SORCS1: variants seen among roughly 807,000 people sequenced by gnomAD.
SORCS1 encodes the protein sortilin related VPS10 domain containing receptor 1.
SORCS1 carries 60 observed loss-of-function variants against 146.1 expected under a neutral mutation model. The observed-to-expected ratio is 0.41, with a 90% confidence interval of 0.33 to 0.51. The LOEUF (loss-of-function observed/expected upper bound fraction) is 0.51. Ranked by LOEUF, SORCS1 falls within the 20% of genes least tolerant of loss-of-function variation. The pLI is 0.21. For missense variants in SORCS1, 1,352 were observed against 1,487.6 expected, an observed-to-expected ratio of 0.91 and a Z score of 1.50; for synonymous variants, 637 against 584.0, an observed-to-expected ratio of 1.09 and a Z score of -1.31.
intron 2 of SORCS1, among the ~76,000 whole-genome samples, chr10:106,920,271 A>C (rs2138388218): frequency 6.6e-6 from 1 of 152,268 alleles, no homozygotes; most frequent in Middle Eastern, 3.4e-3. Flanking sequence ...AGCAAACATG[A>C]CTAGTAACTT....
chr10:106,648,065 T>C (rs1423171801), intron 18 of SORCS1, among the ~76,000 whole-genome samples: 1 of 152,110 alleles, frequency 6.6e-6, no homozygotes, highest in Non-Finnish European at 1.5e-5. Context: ...TTTTTGGTAG[T>C]TGTCCAAGCT....
chr10:106,634,894 C>A (rs758616370), intron 18 of SORCS1, among the ~76,000 whole-genome samples: 16 of 152,144 alleles, frequency 1.1e-4, no homozygotes, highest in Admixed American at 2.0e-4. Context: ...TCCAGGCTGG[C>A]AAACATCTAG....
chr10:107,061,481 TA>T (rs1961228042), intron 1 of SORCS1, among the ~76,000 whole-genome samples: 1 of 152,200 alleles, frequency 6.6e-6, no homozygotes, highest in Non-Finnish European at 1.5e-5. Context: ...ATCTCTTATG[TA>T]AAAGCCAATG....
At chr10:106,662,321 AC>A (rs1367237757) in intron 17 of SORCS1, among the ~76,000 whole-genome samples, 1 of 151,590 alleles carries the variant, frequency 6.6e-6, no homozygotes, top group African/African-American at 2.4e-5. Context: ...TTATTTAAGA[AC>A]TTTTTTTTTT....
intron 17 of SORCS1, among the ~76,000 whole-genome samples, chr10:106,664,590 C>T (rs941571641): frequency 1.4e-4 from 21 of 152,066 alleles, no homozygotes; most frequent in African/African-American, 3.6e-4. Context: ...TGCAGTGAGC[C>T]GAGATCGTGC....
rs1961035434 is a variant in SORCS1, at chr10:107,060,086, G to A, written c.559-103506C>T. ...TCCTTATCATTGATAGCACATAGCT[G>A]TACTCTAGCTGACAAATCGCCTGCC... is the stretch of plus-strand genomic sequence containing the variant. On this transcript the variant is annotated intron_variant, in intron 1 of 25. Transcript: ENST00000263054. This position sits in a 1 kb window ranked among gnomAD's most constrained non-coding sequence, Gnocchi z 4.1. Among the ~76,000 whole-genome samples, 1 of 151,978 alleles carries A rather than the reference G, an allele frequency of 6.6e-6. No individual in the cohort carries two copies. Among genetic ancestry groups the A allele is most frequent in the Admixed American group, 6.6e-5 (1 of 15,260 alleles).
At chr10:107,025,660 T>C (rs1041337618) in intron 1 of SORCS1, among the ~76,000 whole-genome samples, 6 of 152,208 alleles carry the variant, frequency 3.9e-5, no homozygotes, top group African/African-American at 9.6e-5. Context: ...CCAAAGAGAA[T>C]TTAAAAACTT....
At chr10:107,025,880 G>C (rs1336975034) in intron 1 of SORCS1, among the ~76,000 whole-genome samples, 1 of 152,214 alleles carries the variant, frequency 6.6e-6, no homozygotes, top group Non-Finnish European at 1.5e-5. Context: ...GACCAGCAAA[G>C]GGATTGCTGA....
chr10:106,744,629 G>C (rs1362108242), intron 5 of SORCS1, among the ~76,000 whole-genome samples: 3 of 151,994 alleles, frequency 2.0e-5, no homozygotes, highest in Non-Finnish European at 4.4e-5. Context: ...TTTTTTAATT[G>C]GTGAATTTAG....
intron 2 of SORCS1, among the ~76,000 whole-genome samples, chr10:106,869,485 T>G (rs1950331724): frequency 1.3e-5 from 2 of 152,148 alleles, no homozygotes; most frequent in Admixed American, 6.5e-5. Context: ...CAGCAAAAGT[T>G]AATCCACCAT....
chr10:106,787,368 G>A (rs754683772), intron 3 of SORCS1, among the ~76,000 whole-genome samples: 1 of 152,158 alleles, frequency 6.6e-6, no homozygotes, highest in Non-Finnish European at 1.5e-5. Context: ...GGCCATTTAG[G>A]TCTGAAAGTG....
At chr10:106,753,013 GT>G (rs1197455187) in intron 5 of SORCS1, among the ~76,000 whole-genome samples, 1 of 151,878 alleles carries the variant, frequency 6.6e-6, no homozygotes, top group Non-Finnish European at 1.5e-5. Context: ...TCATTTTGAA[GT>G]TTTTTGCAGA....
chr10:106,736,602 T>TTAAAAAAAAAAAAAAAAAA (rs1433395056), intron 5 of SORCS1, among the ~76,000 whole-genome samples: 3 of 38,756 alleles, frequency 7.7e-5, no homozygotes, highest in African/African-American at 2.1e-4. Context: ...TAACCCTGGT[T>TTAAAAAAAAAAAAAAAAAA]AAAAAAAAAA....
intron 2 of SORCS1, among the ~76,000 whole-genome samples, chr10:106,878,350 C>T (rs1950671345): frequency 6.6e-6 from 1 of 151,704 alleles, no homozygotes; most frequent in African/African-American, 2.4e-5. Flanking sequence ...TGTGTTCACC[C>T]TAAAATTCAT....
the SORCS1 span, among the ~76,000 whole-genome samples, chr10:107,172,902 G>C: frequency 6.6e-6 from 1 of 152,002 alleles, no homozygotes; most frequent in Non-Finnish European, 1.5e-5. Context: ...AACCCTGCCC[G>C]GTAACATTGA....
intron 19 of SORCS1, among the ~76,000 whole-genome samples, chr10:106,628,976 T>C (rs1246518100): frequency 6.6e-6 from 1 of 152,164 alleles, no homozygotes; most frequent in Admixed American, 6.5e-5. Context: ...GCAGAGGAAA[T>C]GCAATGAGAA....
intron 4 of SORCS1, among the ~76,000 whole-genome samples, chr10:106,771,879 C>T (rs1000014728): frequency 1.1e-4 from 17 of 152,152 alleles, no homozygotes; most frequent in Admixed American, 3.9e-4. Flanking sequence ...TTCCTATGAA[C>T]GCAGGCTACT....
intron 2 of SORCS1, among the ~76,000 whole-genome samples, chr10:106,906,883 T>C (rs1951931724): frequency 6.6e-6 from 1 of 152,186 alleles, no homozygotes; most frequent in African/African-American, 2.4e-5. Flanking sequence ...GGCTGAGTAC[T>C]TGGTTGAGGA....
chr10:106,819,844 T>C (rs1947925859), intron 3 of SORCS1, among the ~76,000 whole-genome samples: 1 of 152,224 alleles, frequency 6.6e-6, no homozygotes, highest in African/African-American at 2.4e-5. Flanking sequence ...CTCTCCTCTC[T>C]CTGAGAGATC....
Sources: allele counts gnomAD v4.1 joint callset (sites outside exome capture counted in the v4.1 genomes callset), GRCh38; gene constraint gnomAD v4.1.1; non-coding constraint Gnocchi (gnomAD v3.1); transcripts MANE v1.5; gene names NCBI Gene and HGNC (gene_info 2026-07-23, HGNC 2026-07-21).